The following INPP5A variants were observed in gnomAD, a reference collection of about 807,000 sequenced individuals.
The protein encoded by INPP5A is 43 kDa inositol polyphosphate 5-phophatase.
A neutral mutation model predicts 65.2 loss-of-function variants in INPP5A; 14 were observed. That is an observed-to-expected ratio of 0.21 (90% CI 0.14 to 0.34). INPP5A has a LOEUF of 0.34. Among genes scored for constraint, INPP5A ranks in the 10% least tolerant of loss-of-function variants. The pLI, the probability that INPP5A is intolerant of heterozygous loss-of-function variation, is 1.00. For synonymous variants in INPP5A, 207 were observed against 208.3 expected (o/e 0.99, Z 0.05); for missense variants, 431 against 545.6 (o/e 0.79, Z 2.09).
At chr10:132,600,908 T>G (rs942903665) in intron 1 of INPP5A, among the ~76,000 whole-genome samples, 1 of 152,214 alleles carries the variant, frequency 6.6e-6, no homozygotes, top group African/African-American at 2.4e-5. Context: ...TACCTCCCCC[T>G]GGGTCCCTCC....
At chr10:132,556,482 A>G (rs1393040593) in intron 1 of INPP5A, among the ~76,000 whole-genome samples, 2 of 152,144 alleles carry the variant, frequency 1.3e-5, no homozygotes, top group African/African-American at 4.8e-5. Flanking sequence ...ACACTTGCAC[A>G]CCACAGGCAC....
intron 2 of INPP5A, among the ~76,000 whole-genome samples, chr10:132,626,840 C>G (rs952510420): frequency 6.6e-6 from 1 of 152,226 alleles, no homozygotes; most frequent in Non-Finnish European, 1.5e-5. Context: ...GCCCTCCCAG[C>G]TCATGCCCCA....
At chr10:132,595,795 A>G (rs748153889) in intron 1 of INPP5A, among the ~76,000 whole-genome samples, 20 of 152,148 alleles carry the variant, frequency 1.3e-4, no homozygotes, top group African/African-American at 3.6e-4. Context: ...AAATGATGCT[A>G]TTATGAACTT....
intron 5 of INPP5A, among the ~76,000 whole-genome samples, chr10:132,693,427 C>T (rs1459000608): frequency 6.6e-6 from 1 of 152,004 alleles, no homozygotes; most frequent in African/African-American, 2.4e-5. Context: ...CTTCTAGAAA[C>T]CCATTTATAT....
chr10:132,724,294 C>T (rs1461414676), intron 8 of INPP5A, among the ~76,000 whole-genome samples: 2 of 152,182 alleles, frequency 1.3e-5, no homozygotes, highest in Non-Finnish European at 2.9e-5. Context: ...GATCAATTGA[C>T]CGTCCGCTTG....
At chr10:132,696,138 C>A (rs1030720150) in intron 5 of INPP5A, among the ~76,000 whole-genome samples, 1 of 152,208 alleles carries the variant, frequency 6.6e-6, no homozygotes, top group Admixed American at 6.5e-5. Context: ...GACTTCCCAT[C>A]CCTCCAAACT....
chr10:132,762,111 G>A lies in INPP5A; in HGVS notation c.904-3662G>A, dbSNP rs530887150. On this transcript the variant is annotated intron_variant, in intron 11 of 15. Transcript: ENST00000368594. This position sits in a 1 kb window ranked among gnomAD's most constrained non-coding sequence, Gnocchi z 4.6. ...ATGGCCCAGAATGCAGCACAGAAAC[G>A]TGGCAGGATGGGACAGGAGGGTCGG... 1.2e-4 allele frequency among the ~76,000 whole-genome samples: 18 copies of A among 152,312 alleles called. No individual in the cohort carries two copies. The highest frequency in any genetic ancestry group is 2.6e-4 in the African/African-American group (11 of 41,570).
intron 4 of INPP5A, among the ~76,000 whole-genome samples, chr10:132,668,401 T>C (rs769458820): frequency 1.3e-5 from 2 of 152,196 alleles, no homozygotes; most frequent in Non-Finnish European, 2.9e-5. Flanking sequence ...AAGCAGAACA[T>C]GAGTTTCTCA....
intron 4 of INPP5A, among the ~76,000 whole-genome samples, chr10:132,660,332 GA>G (rs746636707): frequency 6.6e-6 from 1 of 152,198 alleles, no homozygotes; most frequent in Non-Finnish European, 1.5e-5. Flanking sequence ...ACAATCAAAA[GA>G]AAATAATTGC....
At chr10:132,599,516 G>C (rs2071750519) in intron 1 of INPP5A, among the ~76,000 whole-genome samples, 1 of 152,214 alleles carries the variant, frequency 6.6e-6, no homozygotes, top group Non-Finnish European at 1.5e-5. Context: ...TTCATGGGCT[G>C]GCATTGAGTG....
rs1267006983 is a variant in INPP5A at position 132,616,941 on chromosome 10, G to T, written c.117+8985G>T. ...GCTGGCCAGTTGCTTTGCTGCGCTG[G>T]TGGGGAGAGGCCGCCTGAGGTCCTT... On this transcript the variant is annotated intron_variant, in intron 2 of 15. Coordinates refer to ENST00000368594, the MANE Select transcript of INPP5A (RefSeq NM_005539.5). The surrounding 1 kb of genome is among the most constrained non-coding windows in gnomAD (Gnocchi z 4.9). 6.6e-6 allele frequency among the ~76,000 whole-genome samples: 1 copy of T among 152,058 alleles called. No individual in the cohort carries two copies.
At chr10:132,638,820 G>A (rs1158995139) in intron 2 of INPP5A, among the ~76,000 whole-genome samples, 4 of 152,046 alleles carry the variant, frequency 2.6e-5, no homozygotes, top group Non-Finnish European at 5.9e-5. Flanking sequence ...CACCCGCCTC[G>A]GCCTCCCAAA....
intron 1 of INPP5A, among the ~76,000 whole-genome samples, chr10:132,590,015 T>G (rs1438606786): frequency 6.6e-6 from 1 of 152,222 alleles, no homozygotes; most frequent in African/African-American, 2.4e-5. Context: ...GACCCATGGC[T>G]CCTGCACGGA....
At position 132,551,390 on chromosome 10, in the gene INPP5A, A is replaced by G. The variant is rs1274586847; in HGVS notation, c.75+13219A>G. Among the ~76,000 whole-genome samples, 1 of 152,086 alleles carries G rather than the reference A, an allele frequency of 6.6e-6. No homozygotes were observed. Among genetic ancestry groups the G allele is most frequent in the Non-Finnish European group, 1.5e-5 (1 of 68,002 alleles). On this transcript the variant is annotated intron_variant, in intron 1 of 15. Coordinates refer to ENST00000368594, the MANE Select transcript of INPP5A (RefSeq NM_005539.5). The surrounding 1 kb of genome is among the most constrained non-coding windows in gnomAD (Gnocchi z 5.3). ...GGCCAGCCCACCGTCATCTGCCTGC[A>G]GCGTCCCTCCAGGTGGTCGGGGGAC...
chr10:132,746,621 G>A (rs932893150), intron 9 of INPP5A, among the ~76,000 whole-genome samples: 14 of 152,370 alleles, frequency 9.2e-5, no homozygotes, highest in African/African-American at 2.6e-4. Flanking sequence ...CCACACGCGT[G>A]TGGATGACCC....
Position 132,587,875 on chromosome 10 carries a change from G to A in INPP5A, c.76-20040G>A, listed in dbSNP as rs2071565366. Among the ~76,000 whole-genome samples the A allele has an allele frequency of 6.6e-6, 1 of 152,092 alleles. No homozygotes were observed. Among genetic ancestry groups the A allele is most frequent in the Admixed American group, 6.6e-5 (1 of 15,262 alleles). On this transcript the variant is annotated intron_variant, in intron 1 of 15. Coordinates refer to ENST00000368594, the MANE Select transcript of INPP5A (RefSeq NM_005539.5). The surrounding 1 kb of genome is among the most constrained non-coding windows in gnomAD (Gnocchi z 4.3). ...AAAAGACAAAAAATTAGCCGGGCAT[G>A]GTGGTGCACGCCTGTAATCCCAGCT...
chr10:132,591,272 C>G (rs1159299217), intron 1 of INPP5A, among the ~76,000 whole-genome samples: 2 of 151,678 alleles, frequency 1.3e-5, no homozygotes, highest in African/African-American at 4.9e-5. Context: ...AGTTGACTCA[C>G]TCTTTTTAAG....
chr10:132,774,388 G>A (rs997734268), intron 12 of INPP5A, among the ~76,000 whole-genome samples: 2 of 152,228 alleles, frequency 1.3e-5, no homozygotes, highest in Non-Finnish European at 2.9e-5. Context: ...TTAACCAGGC[G>A]GGAGTCAGAG....
intron 9 of INPP5A, among the ~76,000 whole-genome samples, chr10:132,748,010 A>G (rs1334241267): frequency 6.6e-6 from 1 of 152,212 alleles, no homozygotes; most frequent in African/African-American, 2.4e-5. Context: ...TGATCACGCC[A>G]CTGCGCTCTG....
Sources: gnomAD v4.1 joint callset for allele counts (sites outside exome capture counted in the v4.1 genomes callset) on GRCh38, gnomAD v4.1.1 for gene constraint, Gnocchi (gnomAD v3.1) non-coding constraint, MANE v1.5 for transcripts, NCBI Gene and HGNC (gene_info 2026-07-23, HGNC 2026-07-21) for gene names.